Variants in ANKRD36C observed in about 807,000 individuals in gnomAD.
ANKRD36C encodes ankyrin repeat domain 36C, also known as ankyrin repeat domain-containing protein 36C.
ANKRD36C carries 61 observed loss-of-function variants against 276.4 expected under a neutral mutation model. The observed-to-expected ratio is 0.22, with a 90% CI of 0.18 to 0.27. ANKRD36C has a LOEUF of 0.27. Among genes scored for constraint, ANKRD36C ranks in the 10% least tolerant of loss-of-function variants. The pLI is 1.00. For synonymous variants in ANKRD36C, 483 were observed against 680.1 expected, an observed-to-expected ratio of 0.71 and a Z score of 4.51; for missense variants, 1,447 against 2,032.3, an observed-to-expected ratio of 0.71 and a Z score of 5.54.
chr2:95,897,209 C>T (rs926687391), intron 44 of ANKRD36C, 61 bp downstream of exon 60: 10 of 1,262,878 alleles, frequency 7.9e-6, no homozygotes, highest in Admixed American at 7.7e-5. Context: ...GATTTATTCA[C>T]GGAAGAGAAT....
intron 13 of ANKRD36C, among the ~76,000 whole-genome samples, chr2:95,954,567 C>T (rs887097538): frequency 2.0e-5 from 3 of 152,126 alleles, no homozygotes; most frequent in Admixed American, 1.3e-4. Context: ...CAGGGAGCCC[C>T]CCTGAAACAC....
chr2:95,871,794 T>C (rs1253246311), intron 59 of ANKRD36C, among the ~76,000 whole-genome samples: 1 of 151,474 alleles, frequency 6.6e-6, no homozygotes, highest in Non-Finnish European at 1.5e-5. Context: ...GAGACACACA[T>C]AGGCTCAAAA....
rs755921613 is a variant in ANKRD36C at position 95,962,325 on chromosome 2, T to A, written c.901+27A>T. The A allele has an allele frequency of 6.5e-6, 10 of 1,546,614 alleles. No individual in the cohort carries two copies. In the South Asian group the frequency reaches 1.2e-4, roughly 18 times the overall value. ...AGTTCCCTTCTATCCTGAGTGAACATGACATTAGATGTGTATTCCAAAATA... is the reference window on the plus strand; with the variant it reads ...AGTTCCCTTCTATCCTGAGTGAACAAGACATTAGATGTGTATTCCAAAATA... On this transcript the variant is annotated intron_variant, in intron 8 of 66. Coordinates refer to ENST00000456556, the Ensembl canonical transcript of ANKRD36C.
At chr2:95,862,631 G>A (rs1675610437) in intron 60 of ANKRD36C, among the ~76,000 whole-genome samples, 1 of 151,024 alleles carries the variant, frequency 6.6e-6, no homozygotes, top group Admixed American at 6.7e-5. Flanking sequence ...TAAAAGAAGA[G>A]TGACTTAAAC....
intron 50 of ANKRD36C, among the ~76,000 whole-genome samples, chr2:95,886,632 G>A (rs1239430643): frequency 6.6e-6 from 1 of 151,624 alleles, no homozygotes; most frequent in African/African-American, 2.4e-5. Context: ...CAAGATATCC[G>A]AATGATTAAA....
In ANKRD36C at chr2:95,908,686, G is replaced by T. The variant is rs1282855802; in HGVS notation, c.2653+3558C>A. 6 of 1,559,366 alleles carry T rather than the reference G, an allele frequency of 3.8e-6. No homozygotes were observed. The East Asian group carries it at 7.1e-5, about 18-fold the overall frequency. ...TTCATTACCTTCAAGCCTGGTGGTTGCTCAGAAGACACTGAAAAGTAAAAG... is the reference window on the plus strand; with the variant it reads ...TTCATTACCTTCAAGCCTGGTGGTTTCTCAGAAGACACTGAAAAGTAAAAG... On this transcript the variant is annotated intron_variant, in intron 42 of 66. Coordinates refer to ENST00000456556, the Ensembl canonical transcript of ANKRD36C.
At position 95,923,128 on chromosome 2, in the gene ANKRD36C, T is replaced by C. The variant is rs183034180; in HGVS notation, c.2143+367A>G. Among the ~76,000 whole-genome samples the C allele has an allele frequency of 2.9e-3, 447 of 151,716 alleles. 4 individuals carry two copies. The highest frequency in any genetic ancestry group is 0.01 in the African/African-American group (434 of 41,488). On this transcript the variant is annotated intron_variant, in intron 32 of 66. Coordinates refer to ENST00000456556, the Ensembl canonical transcript of ANKRD36C. ...GTTATTATGATCACTTTTCCATCTG[T>C]TTTTAGCAATACGATGTGACGTCTG...
chr2:95,927,479 T>G, intron 26 of ANKRD36C, 70 bp from the exon 27 acceptor site: 1 of 1,596,722 alleles, frequency 6.3e-7, no homozygotes, highest in Non-Finnish European at 8.5e-7. Flanking sequence ...ATTCATGAAG[T>G]GTTAGCATCA....
At chr2:95,948,358 A>G (rs77841005) in intron 17 of ANKRD36C, among the ~76,000 whole-genome samples, 172 bp downstream of exon 17, 2 of 5,138 alleles carry the variant, frequency 3.9e-4, no homozygotes, top group African/African-American at 1.2e-3. Flanking sequence ...TTTGCAAAGT[A>G]AAAAAAAATT....
intron 12 of ANKRD36C, among the ~76,000 whole-genome samples, chr2:95,958,252 T>C (rs1678376520): frequency 6.6e-6 from 1 of 151,980 alleles, no homozygotes; most frequent in Non-Finnish European, 1.5e-5. Flanking sequence ...CGCCTACAAT[T>C]TCTAGTACTT....
At chr2:95,957,402 A>G (rs1259858032) in intron 12 of ANKRD36C, among the ~76,000 whole-genome samples, 2 of 152,266 alleles carry the variant, frequency 1.3e-5, no homozygotes, top group African/African-American at 2.4e-5. Flanking sequence ...GTACAATTCA[A>G]AGCTCCTCAG....
exon 61 of ANKRD36C, chr2:95,859,952 C>T (rs760789895): frequency 3.5e-5 from 55 of 1,550,318 alleles, no homozygotes; most frequent in Admixed American, 9.8e-5. Flanking sequence ...TTTTGTAGTA[C>T]ACTAGCCTTA....
intron 6 of ANKRD36C, among the ~76,000 whole-genome samples, chr2:95,967,279 G>A (rs916478531): frequency 2.6e-5 from 4 of 152,034 alleles, no homozygotes; most frequent in African/African-American, 9.7e-5. Flanking sequence ...AATCTACAAG[G>A]AACTTAAATA....
downstream of ANKRD36C, among the ~76,000 whole-genome samples, chr2:95,850,808 A>T (rs952172370): frequency 2.0e-5 from 3 of 152,248 alleles, no homozygotes; most frequent in African/African-American, 7.2e-5. Context: ...TGTTAGCCTT[A>T]AATCACTACC....
chr2:95,863,068 G>A (rs143806938), intron 60 of ANKRD36C, among the ~76,000 whole-genome samples: 347 of 151,996 alleles, frequency 2.3e-3, no homozygotes, highest in African/African-American at 7.9e-3. Flanking sequence ...ACACCTTGAG[G>A]AGCTCAATAA....
intron 59 of ANKRD36C, among the ~76,000 whole-genome samples, chr2:95,875,301 C>T (rs938278863): frequency 3.9e-5 from 6 of 152,042 alleles, no homozygotes; most frequent in African/African-American, 1.4e-4. Context: ...CAATGATAAC[C>T]TGGATTAAGA....
intron 65 of ANKRD36C, 35 bp from the exon 86 acceptor site, chr2:95,851,822 C>G: frequency 6.6e-7 from 1 of 1,507,910 alleles, no homozygotes. Flanking sequence ...TACTCTCACA[C>G]ATAATTGTTT....
intron 48 of ANKRD36C, 143 bp from the exon 69 acceptor site, chr2:95,888,263 T>G: frequency 6.9e-7 from 1 of 1,450,594 alleles, no homozygotes; most frequent in Non-Finnish European, 9.4e-7. Flanking sequence ...GACTGGGGAC[T>G]GGAATATGAC....
exon 63 of ANKRD36C, chr2:95,855,405 T>C: frequency 1.9e-6 from 3 of 1,613,584 alleles, no homozygotes; most frequent in Non-Finnish European, 2.5e-6. Context: ...TACTCTAGCA[T>C]CACATCTGGC....
Sources: allele counts gnomAD v4.1 joint callset (sites outside exome capture counted in the v4.1 genomes callset), GRCh38; gene constraint gnomAD v4.1.1; transcripts MANE v1.5; gene names NCBI Gene and HGNC (gene_info 2026-07-23, HGNC 2026-07-21).